Variants in PWWP2A observed in about 807,000 individuals in gnomAD.
PWWP2A encodes the protein PWWP domain-containing protein 2A.
A neutral mutation model predicts 48.5 loss-of-function variants in PWWP2A; 18 were observed. The observed-to-expected ratio is 0.37, with a 90% CI of 0.26 to 0.55. The LOEUF is 0.55. Among genes scored for constraint, PWWP2A ranks in the 20% least tolerant of loss-of-function variants. PWWP2A has a pLI of 0.81. For synonymous variants in PWWP2A, 396 were observed against 387.7 expected, an observed-to-expected ratio of 1.02 and a Z score of -0.25; for missense variants, 867 against 976.4, an observed-to-expected ratio of 0.89 and a Z score of 1.49.
At chr5:160,084,489 C>T (rs1670315936) in intron 2 of PWWP2A, among the ~76,000 whole-genome samples, 1 of 152,178 alleles carries the variant, frequency 6.6e-6, no homozygotes, top group African/African-American at 2.4e-5. Context: ...AGTGCAGTGG[C>T]AGGATGATGG....
rs1306654132 is a variant in PWWP2A, at chr5:160,091,936, TCA to T, written c.*444_*445del. ...TGCAATCCCAAATATGCAATCTGTGTCACACAGTGACAGGCTGTATTTCATAT... is the reference window on the plus strand; with the variant it reads ...TGCAATCCCAAATATGCAATCTGTGTCACAGTGACAGGCTGTATTTCATAT... On this transcript the variant is annotated 3_prime_UTR_variant, in exon 2 of 2. Coordinates refer to ENST00000307063, the MANE Select transcript of PWWP2A (RefSeq NM_001130864.2). The T allele has an allele frequency of 2.0e-6, 2 of 981,934 alleles. No homozygotes were observed. The highest frequency in any genetic ancestry group is 1.8e-5 in the African/African-American group (1 of 56,822). 60.8% of individuals were successfully genotyped at this position (981,934 alleles called of 1,614,324 possible). A position where few individuals can be genotyped will look rare whatever the true frequency, so the allele number is the denominator to read the frequency against.
At position 160,094,029 on chromosome 5, in the gene PWWP2A, G is replaced by A. The variant is rs1755359784; in HGVS notation, c.621C>T (p.Pro207=). The change falls in exon 2 of 2, where the codon CCC becomes CCT. Residue 207 remains proline (P), a synonymous_variant. Coordinates refer to ENST00000307063, the MANE Select transcript of PWWP2A (RefSeq NM_001130864.2). ...CTGGTTTATCCTTATATTCCCTTTT[G>A]GGAAATACTGTCACAGGGATACCAT... The part of the protein sequence containing the change: ...GPHGIPVTVF[P]KREYKDKPEA... The A allele has an allele frequency of 3.1e-6, 5 of 1,613,272 alleles. No homozygotes were observed. The Middle Eastern group carries it at 5.0e-4, about 160-fold the overall frequency.
intron 1 of PWWP2A, among the ~76,000 whole-genome samples, chr5:160,098,609 ATC>A (rs541015589): frequency 9.5e-4 from 144 of 152,356 alleles, no homozygotes; most frequent in African/African-American, 3.3e-3. Flanking sequence ...ACTGCAATGA[ATC>A]TGTTTCACAC....
At chr5:160,109,774 A>AAAATATATATATATATATATAT (rs1554104831) in intron 1 of PWWP2A, among the ~76,000 whole-genome samples, 1 of 25,224 alleles carries the variant, frequency 4.0e-5, no homozygotes, top group Non-Finnish European at 7.1e-5. Context: ...AAAAAAAAAA[A>AAAATATATATATATATATATAT]ATATATATAT....
At chr5:160,065,493 C>T in intron 4 of PWWP2A, 2 of 436,776 alleles carry the variant, frequency 4.6e-6, no homozygotes, top group East Asian at 1.4e-4. Context: ...AACGAGGCTG[C>T]CTCCAGCATT....
At chr5:160,118,629 C>CCTCTCCCGGTCTCGCT (rs1758385312) in intron 1 of PWWP2A, among the ~76,000 whole-genome samples, 176 bp downstream of exon 1, 1 of 152,114 alleles carries the variant, frequency 6.6e-6, no homozygotes, top group Non-Finnish European at 1.5e-5. Context: ...CCGGGACCGC[C>CCTCTCCCGGTCTCGCT]CTCTCCCGGT....
chr5:160,053,431 G>T, the PWWP2A span, among the ~76,000 whole-genome samples: 1 of 152,078 alleles, frequency 6.6e-6, no homozygotes, highest in Non-Finnish European at 1.5e-5. Context: ...AGGTGTGCTG[G>T]TGTGCACCTG....
chr5:160,057,418 T>A (rs12519715), downstream of PWWP2A, among the ~76,000 whole-genome samples: 10,672 of 150,860 alleles, frequency 0.071, 452 homozygotes, highest in African/African-American at 0.12. This position sits in a 1 kb window ranked among gnomAD's most constrained non-coding sequence, Gnocchi z 4.4. Context: ...AAAAAAAAAA[T>A]GTACATACCT....
downstream of PWWP2A, chr5:160,089,857 A>G: frequency 1.1e-5 from 11 of 985,370 alleles, no homozygotes; most frequent in South Asian, 9.4e-5. Flanking sequence ...ATCATTTCAA[A>G]GAGAAATATA....
downstream of PWWP2A, among the ~76,000 whole-genome samples, chr5:160,074,239 G>A (rs540363439): frequency 2.3e-4 from 35 of 152,162 alleles, no homozygotes; most frequent in South Asian, 6.2e-4. Context: ...AGGAGTTCGA[G>A]ACCAGCCTGA....
rs894603504 is a variant in PWWP2A, at chr5:160,093,902, C to T, written c.748G>A (p.Glu250Lys). ...PDDPSPVPHP[E>K]LSLAESLWTS... ...CACAGGCTTTCAGCCAAGCTCAGCT[C>T]GGGATGCGGGACAGGAGAAGGGTCA... The change falls in exon 2 of 2, where the codon GAG (glutamate) becomes AAG (lysine). Residue 250 changes from glutamate (E) to lysine (K), a missense_variant. Coordinates refer to ENST00000307063, the MANE Select transcript of PWWP2A (RefSeq NM_001130864.2). The surrounding 1 kb of genome is among the most constrained non-coding windows in gnomAD (Gnocchi z 5.8). The T allele has an allele frequency of 5.0e-6, 8 of 1,614,028 alleles. No individual in the cohort carries two copies. The highest frequency in any genetic ancestry group is 2.7e-5 in the African/African-American group (2 of 75,046).
downstream of PWWP2A, among the ~76,000 whole-genome samples, chr5:160,059,520 T>A (rs1757640394): frequency 6.6e-6 from 1 of 152,256 alleles, no homozygotes; most frequent in South Asian, 2.1e-4. Context: ...TTCATTGAAG[T>A]AGCACTTTTA....
intron 1 of PWWP2A, among the ~76,000 whole-genome samples, chr5:160,095,739 G>A (rs1021370904): frequency 7.1e-6 from 1 of 139,992 alleles, no homozygotes; most frequent in Non-Finnish European, 1.5e-5. Context: ...TGTCATCCAG[G>A]CTGCAGTGCA....
At chr5:160,072,488 G>A (rs376968880), downstream of PWWP2A, among the ~76,000 whole-genome samples, 1 of 152,230 alleles carries the variant, frequency 6.6e-6, no homozygotes, top group East Asian at 1.9e-4. Context: ...AGCACCTGCG[G>A]GGGGCGAGGT....
rs549640513 is a variant in PWWP2A at position 160,078,333 on chromosome 5, T to C, written c.1670-165A>G. Among the ~76,000 whole-genome samples the C allele has an allele frequency of 2.0e-5, 3 of 152,348 alleles. No individual in the cohort carries two copies. The highest frequency in any genetic ancestry group is 4.4e-5 in the Non-Finnish European group (3 of 68,024). ...CCGATGTTGTTTTGAGAAAACAACT[T>C]ACTGCCACTCTAAACCAGCAGAAAT... On this transcript the variant is annotated intron_variant, in intron 3 of 3. Transcript: ENST00000456329. The surrounding 1 kb of genome is among the most constrained non-coding windows in gnomAD (Gnocchi z 4.2).
intron 1 of PWWP2A, among the ~76,000 whole-genome samples, chr5:160,117,075 G>A (rs981303509): frequency 2.0e-5 from 3 of 152,032 alleles, no homozygotes; most frequent in Non-Finnish European, 4.4e-5. Flanking sequence ...CAACAAGAGC[G>A]AAACTCTGTC....
At chr5:160,087,611 C>T (rs144118323), downstream of PWWP2A, among the ~76,000 whole-genome samples, 11 of 152,254 alleles carry the variant, frequency 7.2e-5, no homozygotes, top group East Asian at 2.1e-3. Flanking sequence ...AACTAAATTA[C>T]AGATGGAAGG....
intron 4 of PWWP2A, chr5:160,065,437 T>C (rs1561644439): frequency 2.1e-6 from 1 of 465,804 alleles, no homozygotes; most frequent in African/African-American, 2.0e-5. Flanking sequence ...CCAGACATGA[T>C]TGATGACGGG....
In PWWP2A at chr5:160,119,110, C is replaced by G. The variant is rs1447277921; in HGVS notation, c.279G>C (p.Glu93Asp). The G allele has an allele frequency of 1.3e-6, 2 of 1,587,508 alleles. No homozygotes were observed. Among genetic ancestry groups the G allele is most frequent in the Non-Finnish European group, 1.7e-6 (2 of 1,175,936 alleles). The change falls in exon 1 of 2, where the codon GAG becomes GAC. Residue 93 changes from glutamate (E) to aspartate (D), a missense_variant. Physicochemically the swap from Glu to Asp is conservative, Grantham distance 45. Coordinates refer to ENST00000307063, the MANE Select transcript of PWWP2A (RefSeq NM_001130864.2). ...ACTCCGCCACCCGAACGGACAGTTT[C>G]TCCTCAGCCTCCAGCTCCGGCCCCA... ...EAVGPELEAE[E>D]KLSVRVAESA...
Sources: allele counts gnomAD v4.1 joint callset (sites outside exome capture counted in the v4.1 genomes callset), GRCh38; gene constraint gnomAD v4.1.1; non-coding constraint Gnocchi (gnomAD v3.1); transcripts MANE v1.5; gene names NCBI Gene and HGNC (gene_info 2026-07-23, HGNC 2026-07-21).